Variants in PIERCE1 observed in about 807,000 individuals in gnomAD.
PIERCE1 encodes piercer of microtubule wall 1 protein.
the PIERCE1 span, chr9:135,495,712 G>T: frequency 8.4e-7 from 1 of 1,197,062 alleles, no homozygotes. Flanking sequence ...ATAAGAAAAT[G>T]CAGAGAAGCC....
chr9:135,497,615 G>A, the PIERCE1 span, among the ~76,000 whole-genome samples: 1 of 151,968 alleles, frequency 6.6e-6, no homozygotes, highest in Non-Finnish European at 1.5e-5. Flanking sequence ...ACAGGGATGG[G>A]GGTCTCATTA....
At chr9:135,499,001 C>T in the PIERCE1 span, 16 of 306,646 alleles carry the variant, frequency 5.2e-5, no homozygotes, top group African/African-American at 2.6e-4. Context: ...TTGTCAGGAG[C>T]GGAGGCTTGG....
the PIERCE1 span, among the ~76,000 whole-genome samples, chr9:135,497,330 T>C: frequency 1.3e-5 from 2 of 152,144 alleles, no homozygotes; most frequent in Non-Finnish European, 2.9e-5. Flanking sequence ...AATAGGAACA[T>C]TTTTTCATGG....
chr9:135,495,651 T>C, the PIERCE1 span: 1 of 1,515,430 alleles, frequency 6.6e-7, no homozygotes, highest in African/African-American at 1.4e-5. Context: ...TAATGACGTA[T>C]AATACTCTTG....
chr9:135,495,956 A>C, the PIERCE1 span, among the ~76,000 whole-genome samples: 1 of 152,244 alleles, frequency 6.6e-6, no homozygotes, highest in Admixed American at 6.5e-5. Context: ...GAAAGCTGCC[A>C]GCCCTCTCTG....
At chr9:135,498,991 T>C in the PIERCE1 span, 2 of 316,564 alleles carry the variant, frequency 6.3e-6, no homozygotes, top group Non-Finnish European at 1.2e-5. This position sits in a 1 kb window ranked among gnomAD's most constrained non-coding sequence, Gnocchi z 4.1. Context: ...GTAACCTAGC[T>C]TGTCAGGAGC....
chr9:135,498,433 T>G, the PIERCE1 span: 4 of 635,272 alleles, frequency 6.3e-6, no homozygotes, highest in Admixed American at 1.1e-4. This position sits in a 1 kb window ranked among gnomAD's most constrained non-coding sequence, Gnocchi z 4.1. Flanking sequence ...GGAACCTCCC[T>G]CCTCCCCATT....
chr9:135,497,390 G>T, the PIERCE1 span, among the ~76,000 whole-genome samples: 32 of 127,426 alleles, frequency 2.5e-4, no homozygotes, highest in African/African-American at 9.4e-4. Context: ...AGTGTGCTGG[G>T]TTTTTTTTTC....
the PIERCE1 span, chr9:135,499,695 C>T: frequency 6.2e-7 from 1 of 1,607,352 alleles, no homozygotes; most frequent in Non-Finnish European, 8.5e-7. Flanking sequence ...CCAGGCGGGC[C>T]CCAGCTTCCT....
At chr9:135,499,571 G>A in the PIERCE1 span, 1 of 1,206,284 alleles carries the variant, frequency 8.3e-7, no homozygotes, top group Non-Finnish European at 1.2e-6. Flanking sequence ...ACTGGCGGGC[G>A]ATGACAGCGC....
At chr9:135,498,996 A>C in the PIERCE1 span, 2 of 310,750 alleles carry the variant, frequency 6.4e-6, no homozygotes, top group Admixed American at 9.5e-5. This position sits in a 1 kb window ranked among gnomAD's most constrained non-coding sequence, Gnocchi z 4.1. Flanking sequence ...CTAGCTTGTC[A>C]GGAGCGGAGG....
chr9:135,495,444 G>T, the PIERCE1 span: 1 of 1,613,858 alleles, frequency 6.2e-7, no homozygotes, highest in Non-Finnish European at 8.5e-7. Context: ...CAGATGGATG[G>T]CCTGTTGATG....
the PIERCE1 span, chr9:135,498,465 T>A: frequency 5.0e-6 from 4 of 794,954 alleles, no homozygotes; most frequent in Non-Finnish European, 8.1e-6. The surrounding 1 kb of genome is among the most constrained non-coding windows in gnomAD (Gnocchi z 4.1). Context: ...AACTTTGGCC[T>A]CCTCCCTGGG....
the PIERCE1 span, among the ~76,000 whole-genome samples, chr9:135,495,844 C>G: frequency 6.6e-6 from 1 of 152,184 alleles, no homozygotes; most frequent in Non-Finnish European, 1.5e-5. Flanking sequence ...TGTGGGGCCA[C>G]CTGTGTGCCA....
the PIERCE1 span, chr9:135,498,900 G>A: frequency 1.9e-6 from 1 of 526,522 alleles, no homozygotes; most frequent in Non-Finnish European, 3.4e-6. This position sits in a 1 kb window ranked among gnomAD's most constrained non-coding sequence, Gnocchi z 4.1. Flanking sequence ...TCCAAGGCAG[G>A]CCAAAGCCCT....
At chr9:135,498,862 C>G in the PIERCE1 span, 1 of 588,820 alleles carries the variant, frequency 1.7e-6, no homozygotes, top group Non-Finnish European at 3.1e-6. This position sits in a 1 kb window ranked among gnomAD's most constrained non-coding sequence, Gnocchi z 4.1. Context: ...CCTCCCCGGC[C>G]CCCTCTGCTT....
At chr9:135,497,994 C>CTT in the PIERCE1 span, among the ~76,000 whole-genome samples, 1 of 152,222 alleles carries the variant, frequency 6.6e-6, no homozygotes, top group African/African-American at 2.4e-5. Context: ...ACTAGTCCCT[C>CTT]TGTCCATTCA....
chr9:135,498,718 C>T, the PIERCE1 span: 2 of 1,521,660 alleles, frequency 1.3e-6, no homozygotes, highest in South Asian at 1.1e-5. The surrounding 1 kb of genome is among the most constrained non-coding windows in gnomAD (Gnocchi z 4.1). Flanking sequence ...CTGCACAAGC[C>T]ACAGCCTTGT....
At chr9:135,496,876 C>T in the PIERCE1 span, among the ~76,000 whole-genome samples, 2 of 148,616 alleles carry the variant, frequency 1.3e-5, no homozygotes, top group African/African-American at 5.0e-5. Context: ...CAGCTCACTG[C>T]AACCTTCGCC....
Sources: gnomAD v4.1 joint callset for allele counts (sites outside exome capture counted in the v4.1 genomes callset) on GRCh38, gnomAD v4.1.1 for gene constraint, Gnocchi (gnomAD v3.1) non-coding constraint, MANE v1.5 for transcripts, NCBI Gene and HGNC (gene_info 2026-07-23, HGNC 2026-07-21) for gene names.